MEP1A: variants seen among roughly 807,000 people sequenced by gnomAD.
MEP1A encodes the protein meprin A subunit alpha.
A neutral mutation model predicts 84.5 loss-of-function variants in MEP1A; 68 were observed. The ratio of observed to expected loss-of-function variants is 0.80; its 90% CI spans 0.66 to 0.98. The LOEUF is 0.98. MEP1A is among the 50% of genes least tolerant of loss of function. The pLI, the probability that MEP1A is intolerant of heterozygous loss-of-function variation, is 0.00. For missense variants in MEP1A, 887 were observed against 919.9 expected, an observed-to-expected ratio of 0.96 and a Z score of 0.46; for synonymous variants, 337 against 336.8, an observed-to-expected ratio of 1.00 and a Z score of -0.01.
chr6:46,797,531 C>T (rs546091868), intron 3 of MEP1A, among the ~76,000 whole-genome samples: 2 of 152,322 alleles, frequency 1.3e-5, no homozygotes, highest in African/African-American at 4.8e-5. Context: ...CCCTGGTCTT[C>T]CTCATGATGT....
Position 46,793,389 on chromosome 6 carries a change from A to G in MEP1A, c.-10A>G, listed in dbSNP as rs1416744736. 1.3e-6 allele frequency: 2 copies of G among 1,575,812 alleles called. No homozygotes were observed. The highest frequency in any genetic ancestry group is 2.8e-5 in the African/African-American group (2 of 72,582). On this transcript the variant is annotated 5_prime_UTR_variant, in exon 1 of 14. Coordinates refer to ENST00000230588, the MANE Select transcript of MEP1A (RefSeq NM_005588.3). ...ACAAGGTGTGTGCTAAAATCAGCTCACTTGCAGCAATGGCTTGGATTAGAT... is the reference window on the plus strand; with the variant it reads ...ACAAGGTGTGTGCTAAAATCAGCTCGCTTGCAGCAATGGCTTGGATTAGAT...
In MEP1A at chr6:46,833,397, A is replaced by T; in HGVS notation, c.1468A>T (p.Ser490Cys). 1 of 1,614,218 alleles carries T rather than the reference A, an allele frequency of 6.2e-7. No individual in the cohort carries two copies. The highest frequency in any genetic ancestry group is 8.5e-7 in the Non-Finnish European group (1 of 1,180,032). Residue 490 changes from serine to cysteine, a missense_variant, in exon 11 of 14, where the codon AGT (serine) becomes TGT (cysteine). Transcript: ENST00000230588. ...CTTGAGACTTGCTTTTCATGTGTGC[A>T]GTGGGGAGAACGATGCTATCCTGGA... ...GYLRLAFHVC[S>C]GENDAILEWP...
intron 6 of MEP1A, among the ~76,000 whole-genome samples, chr6:46,817,026 G>T (rs1767655712): frequency 6.6e-6 from 1 of 152,120 alleles, no homozygotes; most frequent in African/African-American, 2.4e-5. Context: ...GAGCAAGACT[G>T]GTGGCAAGAG....
chr6:46,815,750 G>A (rs912558624), intron 6 of MEP1A, among the ~76,000 whole-genome samples: 13 of 152,092 alleles, frequency 8.5e-5, no homozygotes, highest in Admixed American at 1.3e-4. Flanking sequence ...AGTCCTGACC[G>A]TGGGGTTTTG....
At chr6:46,826,933 A>G (rs1391040767) in intron 9 of MEP1A, among the ~76,000 whole-genome samples, 2 of 152,202 alleles carry the variant, frequency 1.3e-5, no homozygotes, top group Non-Finnish European at 2.9e-5. Flanking sequence ...GTAATAATGT[A>G]TTTTTTAACT....
At chr6:46,807,189 A>C (rs1036163016) in intron 5 of MEP1A, among the ~76,000 whole-genome samples, 1 of 151,968 alleles carries the variant, frequency 6.6e-6, no homozygotes, top group Admixed American at 6.6e-5. Flanking sequence ...AAGAACAAAT[A>C]AAGTTAACTC....
Position 46,798,594 on chromosome 6 carries a change from T to C in MEP1A, c.146-12T>C, listed in dbSNP as rs748420550. On this transcript the variant is annotated splice_polypyrimidine_tract_variant and intron_variant, in intron 3 of 13. Coordinates refer to ENST00000230588, the MANE Select transcript of MEP1A (RefSeq NM_005588.3). ...TCAAATATTCTTTTTTTAAAAAAAA[T>C]TCCACTTCCAGCTGCAGGCTTGGAC... 1 of 1,611,854 alleles carries C rather than the reference T, an allele frequency of 6.2e-7. No individual in the cohort carries two copies. The highest frequency in any genetic ancestry group is 1.1e-5 in the South Asian group (1 of 91,036).
intron 3 of MEP1A, among the ~76,000 whole-genome samples, chr6:46,795,945 C>T (rs1040385869): frequency 6.6e-6 from 1 of 152,158 alleles, no homozygotes; most frequent in African/African-American, 2.4e-5. Context: ...CACCCCAGAC[C>T]TACAGAATTA....
chr6:46,813,628 G>A (rs1037402257), intron 6 of MEP1A, among the ~76,000 whole-genome samples: 11 of 151,768 alleles, frequency 7.2e-5, no homozygotes, highest in Non-Finnish European at 1.5e-4. Flanking sequence ...TTTTCACTGT[G>A]TTATTGTTAT....
At chr6:46,838,484 C>T (rs1388279970) in intron 13 of MEP1A, among the ~76,000 whole-genome samples, 1 of 152,216 alleles carries the variant, frequency 6.6e-6, no homozygotes, top group African/African-American at 2.4e-5. Context: ...AGTGACAGTA[C>T]ACTAACCTTA....
chr6:46,832,439 A>G (rs1206838171), intron 10 of MEP1A, among the ~76,000 whole-genome samples: 3 of 152,218 alleles, frequency 2.0e-5, no homozygotes, highest in Non-Finnish European at 4.4e-5. Flanking sequence ...GAGAAAAAGC[A>G]AGTAGACCTA....
chr6:46,814,861 G>T (rs1218998917), intron 6 of MEP1A, among the ~76,000 whole-genome samples: 1 of 136,482 alleles, frequency 7.3e-6, no homozygotes, highest in African/African-American at 2.5e-5. Context: ...CTCTGGGCTG[G>T]TACTGAGGAG....
chr6:46,843,501 C>T (rs1225180504), downstream of MEP1A, among the ~76,000 whole-genome samples: 3 of 152,192 alleles, frequency 2.0e-5, no homozygotes, highest in Non-Finnish European at 2.9e-5. Flanking sequence ...TAATAACAAA[C>T]CCTCTGGTGT....
chr6:46,801,148 A>T (rs1767190517), intron 5 of MEP1A, among the ~76,000 whole-genome samples: 1 of 152,196 alleles, frequency 6.6e-6, no homozygotes, highest in Non-Finnish European at 1.5e-5. Context: ...GTAAATGCCT[A>T]GGAATATAAT....
At chr6:46,828,672 G>C (rs780940747) in intron 9 of MEP1A, among the ~76,000 whole-genome samples, 2 of 152,160 alleles carry the variant, frequency 1.3e-5, no homozygotes, top group Non-Finnish European at 2.9e-5. Flanking sequence ...CTGCTTGACT[G>C]TTTTTAGGGG....
intron 3 of MEP1A, among the ~76,000 whole-genome samples, chr6:46,797,913 TC>T (rs879307615): frequency 0.12 from 6,288 of 51,144 alleles, 230 homozygotes; most frequent in South Asian, 0.21. Context: ...CTTCCTTCCT[TC>T]CTTCCTTCCT....
At chr6:46,819,738 C>A in intron 7 of MEP1A, 34 bp downstream of exon 7, 1 of 1,601,150 alleles carries the variant, frequency 6.2e-7, no homozygotes, top group Non-Finnish European at 8.5e-7. Context: ...TCACATTTAT[C>A]ACTGGCTGAG....
chr6:46,793,671 G>T lies in MEP1A; in HGVS notation c.100G>T (p.Asp34Tyr). ...IKYLPEENVH[D>Y]ADFGEQKDIS... ...TTTTTTCTCACTTTTAACAGTACAT[G>T]ATGCAGATTTTGGTGAACAGAAGGA... Residue 34 changes from aspartate (D) to tyrosine (Y), a missense_variant, in exon 3 of 14, where the codon GAT (aspartate) becomes TAT (tyrosine). Asp to Tyr is a radical substitution (Grantham distance 160). Coordinates refer to ENST00000230588, the MANE Select transcript of MEP1A (RefSeq NM_005588.3). 1 of 1,610,466 alleles carries T rather than the reference G, an allele frequency of 6.2e-7. No individual in the cohort carries two copies. The highest frequency in any genetic ancestry group is 1.1e-5 in the South Asian group (1 of 90,776).
chr6:46,842,291 C>T (rs566825435), downstream of MEP1A, among the ~76,000 whole-genome samples: 144 of 152,260 alleles, frequency 9.5e-4, no homozygotes, highest in African/African-American at 3.3e-3. Context: ...GGTCTGACTG[C>T]CTGTGGGGTC....
Sources: gnomAD v4.1 joint callset for allele counts (sites outside exome capture counted in the v4.1 genomes callset) on GRCh38, gnomAD v4.1.1 for gene constraint, MANE v1.5 for transcripts, NCBI Gene and HGNC (gene_info 2026-07-23, HGNC 2026-07-21) for gene names.